The following DGKH variants were observed in gnomAD, a reference collection of about 807,000 sequenced individuals.
DGKH encodes the protein DAG kinase eta.
DGKH carries 90 observed loss-of-function variants against 159.3 expected under a neutral mutation model. That is an observed-to-expected ratio of 0.57 (90% CI 0.48 to 0.67). The LOEUF (loss-of-function observed/expected upper bound fraction) is 0.67. Ranked by LOEUF, DGKH falls within the 30% of genes least tolerant of loss-of-function variation. The pLI is 0.00. For synonymous variants in DGKH, 536 were observed against 553.8 expected, an observed-to-expected ratio of 0.97 and a Z score of 0.45; for missense variants, 1,181 against 1,506.1, an observed-to-expected ratio of 0.78 and a Z score of 3.57.
chr13:42,155,533 C>T, intron 4 of DGKH, 134 bp from the exon 5 acceptor site: 2 of 1,538,616 alleles, frequency 1.3e-6, no homozygotes, highest in Non-Finnish European at 8.9e-7. Context: ...AAATTCTTAT[C>T]TTAAAGCAAA....
chr13:42,219,411 C>T, intron 27 of DGKH, 62 bp downstream of exon 27: 1 of 1,566,812 alleles, frequency 6.4e-7, no homozygotes, highest in Admixed American at 2.0e-5. Flanking sequence ...AATTTGAACT[C>T]ATCTTTGAAA....
chr13:42,134,584 T>C (rs589935), intron 3 of DGKH, among the ~76,000 whole-genome samples: 4,779 of 152,228 alleles, frequency 0.031, 251 homozygotes, highest in African/African-American at 0.11. Context: ...AATAAATAGA[T>C]ATGGGTTGGG....
Position 42,214,330 on chromosome 13 carries a change from G to A in DGKH, c.3015-177G>A, listed in dbSNP as rs141897003. Among the ~76,000 whole-genome samples the A allele has an allele frequency of 1.7e-3, 260 of 151,974 alleles. 1 individual carries two copies. Among genetic ancestry groups the A allele is most frequent in the Non-Finnish European group, 3.2e-3 (216 of 67,958 alleles). The stretch of plus-strand genomic sequence containing the variant: ...TTATTTCATATTTTTTGTTGCAGTG[G>A]GGTCTGGATTTATAGATCTACCTGT... On this transcript the variant is annotated intron_variant, in intron 24 of 29. Transcript: ENST00000337343.
chr13:42,174,038 C>G, intron 11 of DGKH, 22 bp from the exon 12 acceptor site: 1 of 1,594,442 alleles, frequency 6.3e-7, no homozygotes, highest in Non-Finnish European at 8.6e-7. Context: ...AATCTTTGAC[C>G]AAAGAGTTTT....
chr13:42,080,760 A>G (rs1447866275), intron 1 of DGKH, among the ~76,000 whole-genome samples: 1 of 151,778 alleles, frequency 6.6e-6, no homozygotes, highest in East Asian at 1.9e-4. Context: ...GCATTTTCTG[A>G]TAAGTATACC....
At chr13:42,218,671 A>C (rs1337714876) in intron 26 of DGKH, among the ~76,000 whole-genome samples, 1 of 151,902 alleles carries the variant, frequency 6.6e-6, no homozygotes, top group East Asian at 1.9e-4. Context: ...ACCATGCCTA[A>C]CTAATTTTTG....
intron 1 of DGKH, among the ~76,000 whole-genome samples, chr13:42,083,221 A>G (rs910471381): frequency 3.9e-5 from 6 of 152,064 alleles, no homozygotes; most frequent in Non-Finnish European, 7.4e-5. Flanking sequence ...GAAGCAAAAA[A>G]CAAAAACAAA....
At chr13:42,104,887 T>C (rs1206190944) in intron 1 of DGKH, among the ~76,000 whole-genome samples, 3 of 152,144 alleles carry the variant, frequency 2.0e-5, no homozygotes, top group African/African-American at 7.2e-5. Context: ...AAGACTGATA[T>C]TAATAGTAAA....
chr13:42,071,006 C>T (rs1250334079), intron 1 of DGKH: 3 of 1,298,528 alleles, frequency 2.3e-6, no homozygotes, highest in Non-Finnish European at 3.3e-6. Context: ...AAGTAATTGC[C>T]TCCACAACCC....
intron 24 of DGKH, among the ~76,000 whole-genome samples, chr13:42,211,782 G>A (rs1375145303): frequency 6.6e-6 from 1 of 152,192 alleles, no homozygotes; most frequent in African/African-American, 2.4e-5. Context: ...AGCAGGCAAA[G>A]GAGGAGCAAA....
downstream of DGKH, among the ~76,000 whole-genome samples, chr13:42,244,764 C>T (rs1958564402): frequency 2.0e-5 from 3 of 150,966 alleles, no homozygotes; most frequent in East Asian, 1.9e-4. Flanking sequence ...ATTAGCCGGG[C>T]GTAGTGGCGG....
intron 1 of DGKH, among the ~76,000 whole-genome samples, chr13:42,041,063 G>A (rs1165999521): frequency 6.6e-5 from 10 of 151,852 alleles, no homozygotes. Context: ...CCGGGTTAGC[G>A]CTTCCTCCGC....
chr13:42,229,063 T>A (rs1251811865), intron 29 of DGKH, 36 bp from the exon 30 acceptor site: 1 of 1,548,340 alleles, frequency 6.5e-7, no homozygotes, highest in East Asian at 2.3e-5. Context: ...CTTTCATTTT[T>A]AATTATTTCT....
intron 1 of DGKH, among the ~76,000 whole-genome samples, chr13:42,093,344 T>TAAAA (rs1270971281): frequency 6.6e-6 from 1 of 150,996 alleles, no homozygotes; most frequent in Non-Finnish European, 1.5e-5. Context: ...TGGCTGCTCT[T>TAAAA]AAAAAAAAAG....
At chr13:42,095,763 A>G (rs961707934) in intron 1 of DGKH, among the ~76,000 whole-genome samples, 2 of 152,232 alleles carry the variant, frequency 1.3e-5, no homozygotes, top group East Asian at 1.9e-4. Context: ...ATGGATAACT[A>G]TTAGCCTAAT....
chr13:42,040,398 G>A (rs1880408966), intron 1 of DGKH, among the ~76,000 whole-genome samples: 1 of 151,806 alleles, frequency 6.6e-6, no homozygotes, highest in Non-Finnish European at 1.5e-5. Flanking sequence ...CCGCGCGGCC[G>A]CCCGGTGCCC....
At chr13:42,178,076 T>A in intron 12 of DGKH, 59 bp from the exon 13 acceptor site, 1 of 1,312,358 alleles carries the variant, frequency 7.6e-7, no homozygotes, top group Non-Finnish European at 1.1e-6. Flanking sequence ...GGAGCAGCAA[T>A]AAGTGAGTTG....
chr13:42,189,100 C>T lies in DGKH; in HGVS notation c.1703C>T (p.Ala568Val), dbSNP rs762893539. The change falls in exon 15 of 30, where the codon GCG (alanine) becomes GTG (valine). Residue 568 changes from alanine to valine, a missense_variant. Physicochemically the swap from Ala to Val is moderately conservative, Grantham distance 64 (BLOSUM62 0). Around this residue, in one of 5 missense-constraint regions of DGKH, gnomAD observed 257 missense variants for 281.5 expected, o/e 0.91. Transcript: ENST00000337343. ...LQALHTDSQAAPVLPGLSPLI... is the reference protein window; with the variant it reads ...LQALHTDSQAVPVLPGLSPLI... Reference sequence around the variant, plus strand: ...GCTTTGCACACAGATTCCCAGGCTGCGCCTGTTCTCCCTGGCCTCAGCCCT... The same window carrying T: ...GCTTTGCACACAGATTCCCAGGCTGTGCCTGTTCTCCCTGGCCTCAGCCCT... 9 of 1,614,086 alleles carry T rather than the reference C, an allele frequency of 5.6e-6. No individual in the cohort carries two copies. Among genetic ancestry groups the T allele is most frequent in the African/African-American group, 2.7e-5 (2 of 74,938 alleles).
intron 1 of DGKH, among the ~76,000 whole-genome samples, chr13:42,117,986 G>A (rs1435212853): frequency 6.6e-6 from 1 of 152,150 alleles, no homozygotes; most frequent in Non-Finnish European, 1.5e-5. Flanking sequence ...GGGAGGCCGA[G>A]ACAGGCGGAT....
Sources: allele counts gnomAD v4.1 joint callset (sites outside exome capture counted in the v4.1 genomes callset), GRCh38; gene constraint gnomAD v4.1.1; regional missense constraint gnomAD v4.1.1; transcripts MANE v1.5; gene names NCBI Gene and HGNC (gene_info 2026-07-23, HGNC 2026-07-21).